TMEM120B: variants seen among roughly 807,000 people sequenced by gnomAD.
TMEM120B encodes the protein transmembrane protein 120B.
TMEM120B carries 31 observed loss-of-function variants against 55.5 expected under a neutral mutation model. The ratio of observed to expected loss-of-function variants is 0.56; its 90% CI spans 0.42 to 0.75. The LOEUF (loss-of-function observed/expected upper bound fraction) is 0.75. TMEM120B is among the 30% of genes least tolerant of loss of function. The pLI, the probability that TMEM120B is intolerant of heterozygous loss-of-function variation, is 0.00. For missense variants in TMEM120B, 399 were observed against 425.5 expected (o/e 0.94, Z 0.55); for synonymous variants, 203 against 176.3 (o/e 1.15, Z -1.20).
At chr12:121,728,172 G>A (rs1017959454) in intron 1 of TMEM120B, among the ~76,000 whole-genome samples, 2 of 151,464 alleles carry the variant, frequency 1.3e-5, no homozygotes, top group Non-Finnish European at 2.9e-5. Context: ...GACGCTTGGC[G>A]AATTTTTGTA....
rs1237003423 is a variant in TMEM120B, at chr12:121,775,070, G to A, written c.846G>A (p.Gln282=). 2 of 1,602,330 alleles carry A rather than the reference G, an allele frequency of 1.2e-6. No homozygotes were observed. The highest frequency in any genetic ancestry group is 3.4e-5 in the Admixed American group (2 of 59,356). Residue 282 remains glutamine, a synonymous_variant, in exon 11 of 12, where the codon CAG becomes CAA. Transcript: ENST00000449592. The surrounding 1 kb of genome is among the most constrained non-coding windows in gnomAD (Gnocchi z 4.3). The part of the protein sequence containing the change: ...LPFLFCGHFW[Q]LYNAVTLFEL... The stretch of plus-strand genomic sequence containing the variant: ...CCTGCCTTCCTCTCCAGTTCTGGCA[G>A]CTCTACAATGCCGTCACGCTGTTTG...
Position 121,779,639 on chromosome 12 carries a change from G to C in TMEM120B, c.*3917G>C. 6.2e-7 allele frequency: 1 copy of C among 1,614,084 alleles called. No individual in the cohort carries two copies. The highest frequency in any genetic ancestry group is 1.7e-5 in the Admixed American group (1 of 60,038). On this transcript the variant is annotated 3_prime_UTR_variant, in exon 12 of 12. Transcript: ENST00000449592. ...AACATTCCAGGTAGAGAGCAGCTCG[G>C]ATCTGTTCGCAGGCGCTCAGGCCCT...
intron 5 of TMEM120B, chr12:121,758,306 G>T: frequency 1.0e-6 from 1 of 985,372 alleles, no homozygotes; most frequent in East Asian, 1.1e-4. Context: ...TCCCCACACA[G>T]CGGTCTGCCG....
chr12:121,753,338 A>G (rs1296001941), intron 5 of TMEM120B, among the ~76,000 whole-genome samples: 2 of 152,194 alleles, frequency 1.3e-5, no homozygotes, highest in East Asian at 1.9e-4. Context: ...GCTACTGGGT[A>G]CAAGGTTTTT....
intron 10 of TMEM120B, 97 bp downstream of exon 10, chr12:121,774,819 T>G (rs927984950): frequency 4.9e-6 from 7 of 1,430,980 alleles, no homozygotes; most frequent in Non-Finnish European, 6.7e-6. Context: ...TCCGTCCCCA[T>G]GCTGGGGCCC....
At chr12:121,765,250 C>G (rs1015545497) in intron 6 of TMEM120B, among the ~76,000 whole-genome samples, 1 of 151,806 alleles carries the variant, frequency 6.6e-6, no homozygotes, top group African/African-American at 2.4e-5. Flanking sequence ...CTGCCTCAGC[C>G]TCCCAAGTAG....
chr12:121,724,698 C>T (rs1894859193), intron 1 of TMEM120B, among the ~76,000 whole-genome samples: 1 of 151,718 alleles, frequency 6.6e-6, no homozygotes, highest in Admixed American at 6.6e-5. Context: ...GCAAGCTCTG[C>T]CTCCCAGGTT....
At chr12:121,773,251 AGT>A (rs2137401368) in intron 8 of TMEM120B, among the ~76,000 whole-genome samples, 168 bp from the exon 9 acceptor site, 1 of 152,200 alleles carries the variant, frequency 6.6e-6, no homozygotes, top group South Asian at 2.1e-4. Flanking sequence ...TTCAGACCAG[AGT>A]GTGTGTGTCT....
chr12:121,769,860 G>T (rs559620796), intron 6 of TMEM120B, among the ~76,000 whole-genome samples: 48 of 152,112 alleles, frequency 3.2e-4, no homozygotes, highest in African/African-American at 8.4e-4. Context: ...GGTGGGAGAG[G>T]GGGCAGATCA....
chr12:121,715,722 A>G (rs146702815), intron 1 of TMEM120B, among the ~76,000 whole-genome samples: 3 of 152,204 alleles, frequency 2.0e-5, no homozygotes, highest in South Asian at 2.1e-4. Flanking sequence ...AAGATCATAG[A>G]TCGGAGCAGA....
intron 1 of TMEM120B, among the ~76,000 whole-genome samples, chr12:121,714,449 G>C (rs1481859171): frequency 6.6e-6 from 1 of 150,814 alleles, no homozygotes; most frequent in African/African-American, 2.4e-5. Context: ...TAGAGATAGG[G>C]TTTCACTATG....
chr12:121,722,775 A>G (rs1376780168), intron 1 of TMEM120B, among the ~76,000 whole-genome samples: 2 of 152,138 alleles, frequency 1.3e-5, no homozygotes, highest in Non-Finnish European at 2.9e-5. Flanking sequence ...GCAAGAAGTC[A>G]ATGGCTGTCT....
chr12:121,729,588 G>A (rs945888626), intron 1 of TMEM120B, among the ~76,000 whole-genome samples: 5 of 151,450 alleles, frequency 3.3e-5, no homozygotes, highest in East Asian at 1.9e-4. Flanking sequence ...GGAGAATAGC[G>A]TCAGCCCAGG....
In TMEM120B at chr12:121,780,685, G is replaced by T; in HGVS notation, c.*4963G>T. ...AACAGCGCCTGCCTCCGAGTCCTAAGGATTGGGAGTAGTCGTGTAAAGTGC... is the reference window on the plus strand; with the variant it reads ...AACAGCGCCTGCCTCCGAGTCCTAATGATTGGGAGTAGTCGTGTAAAGTGC... On this transcript the variant is annotated 3_prime_UTR_variant, in exon 12 of 12. Coordinates refer to ENST00000449592, the MANE Select transcript of TMEM120B (RefSeq NM_001080825.2). The T allele has an allele frequency of 3.0e-6, 2 of 664,784 alleles. No individual in the cohort carries two copies. Among genetic ancestry groups the T allele is most frequent in the Non-Finnish European group, 5.0e-6 (2 of 399,008 alleles). The allele number at this position is 664,784 out of a possible 1,614,324, so 41.2% of individuals were successfully genotyped here. A position where few individuals can be genotyped will look rare whatever the true frequency, so the allele number is the denominator to read the frequency against.
At chr12:121,735,639 C>T (rs184026944) in intron 1 of TMEM120B, among the ~76,000 whole-genome samples, 65 of 151,546 alleles carry the variant, frequency 4.3e-4, no homozygotes, top group Non-Finnish European at 6.8e-4. Context: ...CTTTGTGATC[C>T]GCCTGCCTTG....
intron 6 of TMEM120B, among the ~76,000 whole-genome samples, chr12:121,764,919 T>G (rs981526396): frequency 3.9e-5 from 6 of 151,982 alleles, no homozygotes; most frequent in Non-Finnish European, 7.4e-5. Context: ...GTTCCTGGAG[T>G]TCACTCTCTG....
In TMEM120B at chr12:121,781,470, C is replaced by CT; in HGVS notation, c.*5750dup. The CT allele has an allele frequency of 5.2e-6, 2 of 386,748 alleles. No homozygotes were observed. Among genetic ancestry groups the CT allele is most frequent in the South Asian group, 5.2e-5 (2 of 38,264 alleles). 24.0% of individuals were successfully genotyped at this position (386,748 alleles called of 1,614,324 possible). A position where few individuals can be genotyped will look rare whatever the true frequency, so the allele number is the denominator to read the frequency against. ...TGGGTGACAGAGCGAGACCCTGTCT[C>CT]TTAACAACAAAACCCATGAGCGGCA... On this transcript the variant is annotated 3_prime_UTR_variant, in exon 12 of 12. Coordinates refer to ENST00000449592, the MANE Select transcript of TMEM120B (RefSeq NM_001080825.2).
chr12:121,714,345 C>G (rs1158788770), intron 1 of TMEM120B, among the ~76,000 whole-genome samples: 2 of 152,128 alleles, frequency 1.3e-5, no homozygotes, highest in South Asian at 4.1e-4. Context: ...CAGCCTCCGC[C>G]TCCCGGGTTC....
At chr12:121,769,593 A>G (rs953669097) in intron 6 of TMEM120B, among the ~76,000 whole-genome samples, 5 of 152,032 alleles carry the variant, frequency 3.3e-5, no homozygotes, top group African/African-American at 1.2e-4. Flanking sequence ...GATCCCAGCT[A>G]CTCAGGAGGC....
Sources: gnomAD v4.1 joint callset for allele counts (sites outside exome capture counted in the v4.1 genomes callset) on GRCh38, gnomAD v4.1.1 for gene constraint, Gnocchi (gnomAD v3.1) non-coding constraint, MANE v1.5 for transcripts, NCBI Gene and HGNC (gene_info 2026-07-23, HGNC 2026-07-21) for gene names.